The following CCDC91 variants were observed in gnomAD, a reference collection of about 807,000 sequenced individuals.
CCDC91 encodes the protein coiled-coil domain containing 91.
Under a neutral mutation model 63.2 loss-of-function variants are expected in CCDC91, and 48 were observed. The ratio of observed to expected loss-of-function variants is 0.76; its 90% CI spans 0.60 to 0.97. The LOEUF is 0.97. Ranked by LOEUF, CCDC91 falls within the 50% of genes least tolerant of loss-of-function variation. The probability of loss-of-function intolerance (pLI) is 0.00; values close to 1 mark genes in which losing one functional copy is unlikely to be tolerated. For synonymous variants in CCDC91, 167 were observed against 165.8 expected (o/e 1.01, Z -0.06); for missense variants, 500 against 494.6 (o/e 1.01, Z -0.10).
chr12:28,288,388 T>C (rs1949029827), intron 3 of CCDC91, among the ~76,000 whole-genome samples: 1 of 152,214 alleles, frequency 6.6e-6, no homozygotes, highest in African/African-American at 2.4e-5. Flanking sequence ...ACCTAGTTTA[T>C]TGAGAGTTTT....
chr12:28,407,964 A>ATTT lies in CCDC91; in HGVS notation c.762+16559_762+16561dup, dbSNP rs752189980. Among the ~76,000 whole-genome samples the ATTT allele has an allele frequency of 1.8e-3, 223 of 127,156 alleles. 1 individual carries two copies. Among genetic ancestry groups the ATTT allele is most frequent in the African/African-American group, 5.7e-3 (195 of 34,504 alleles). 83.4% of individuals were successfully genotyped at this position (127,156 alleles called of 152,430 possible). On this transcript the variant is annotated intron_variant, in intron 8 of 12. Coordinates refer to ENST00000536442, the MANE Select transcript of CCDC91 (RefSeq NM_018318.5). ...CATAGATATATACATATATATATAT[A>ATTT]TTTTTTTTATTTTTTATTTTACTTT...
intron 1 of CCDC91, among the ~76,000 whole-genome samples, chr12:28,220,942 A>G (rs534758658): frequency 1.3e-5 from 2 of 152,088 alleles, no homozygotes. Context: ...CTTTCTCGCT[A>G]TTCTTTAGCT....
intron 1 of CCDC91, among the ~76,000 whole-genome samples, chr12:28,237,434 T>C (rs1945035436): frequency 1.3e-5 from 2 of 152,174 alleles, no homozygotes; most frequent in Non-Finnish European, 2.9e-5. Context: ...TCCTAAATAC[T>C]ATCACAAGTG....
chr12:28,454,874 G>A (rs1253857560), intron 11 of CCDC91, among the ~76,000 whole-genome samples: 6 of 151,968 alleles, frequency 3.9e-5, no homozygotes, highest in Admixed American at 3.9e-4. Flanking sequence ...GCTTGCCCAG[G>A]GTGAAGGACC....
chr12:28,506,621 G>A (rs1938749584), intron 12 of CCDC91, among the ~76,000 whole-genome samples: 1 of 151,942 alleles, frequency 6.6e-6, no homozygotes, highest in Non-Finnish European at 1.5e-5. Context: ...TGTGATTCAT[G>A]TGCATTATCT....
chr12:28,269,494 A>G (rs1202465896), intron 3 of CCDC91, among the ~76,000 whole-genome samples: 2 of 152,054 alleles, frequency 1.3e-5, no homozygotes, highest in Admixed American at 6.6e-5. Flanking sequence ...TATCTTTCTT[A>G]GATGACTTAA....
intron 3 of CCDC91, among the ~76,000 whole-genome samples, chr12:28,279,246 G>A (rs1948439652): frequency 1.4e-5 from 2 of 139,390 alleles, no homozygotes; most frequent in Non-Finnish European, 3.2e-5. Context: ...GTTTGTCTCT[G>A]TATCTTTTCT....
intron 3 of CCDC91, 92 bp downstream of exon 3, chr12:28,259,534 A>C: frequency 2.7e-6 from 2 of 741,634 alleles, no homozygotes. Flanking sequence ...CAACTTTTTT[A>C]CTTGTCCTTC....
At chr12:28,375,803 C>T (rs1944907209) in intron 7 of CCDC91, among the ~76,000 whole-genome samples, 1 of 151,902 alleles carries the variant, frequency 6.6e-6, no homozygotes, top group African/African-American at 2.4e-5. Flanking sequence ...AATATATGCA[C>T]TCGCTCAGAC....
chr12:28,392,466 C>T (rs1307924618), intron 8 of CCDC91, among the ~76,000 whole-genome samples: 2 of 152,084 alleles, frequency 1.3e-5, no homozygotes, highest in African/African-American at 2.4e-5. Flanking sequence ...GATACAATTT[C>T]GAAGTGAAAG....
rs200613015 is a variant in CCDC91 at position 28,439,970 on chromosome 12, T to TA, written c.763-10178dup. On this transcript the variant is annotated intron_variant, in intron 8 of 12. Transcript: ENST00000536442. ...GTTTGCATTTATTTCTTCAATTTGC[T>TA]AAAAAAAAAAAAAGTCTACTAAAAT... Among the ~76,000 whole-genome samples the TA allele has an allele frequency of 5.4e-3, 752 of 138,362 alleles. 5 individuals are homozygous for TA. The highest frequency in any genetic ancestry group is 0.013 in the African/African-American group (504 of 37,940). 90.8% of individuals were successfully genotyped at this position (138,362 alleles called of 152,430 possible).
intron 1 of CCDC91, among the ~76,000 whole-genome samples, chr12:28,232,749 G>C (rs753472044): frequency 6.6e-6 from 1 of 152,032 alleles, no homozygotes; most frequent in Admixed American, 6.6e-5. Flanking sequence ...GGTATGTCTT[G>C]TTCTGTTACC....
chr12:28,240,252 C>T (rs899706764), intron 1 of CCDC91, among the ~76,000 whole-genome samples: 4 of 152,108 alleles, frequency 2.6e-5, no homozygotes, highest in Non-Finnish European at 5.9e-5. Context: ...ACCGTTTTCA[C>T]TGTATTCTTG....
chr12:28,417,901 T>C (rs1947778128), intron 8 of CCDC91, among the ~76,000 whole-genome samples: 1 of 152,112 alleles, frequency 6.6e-6, no homozygotes, highest in Non-Finnish European at 1.5e-5. Context: ...TTCATAGTTT[T>C]TCCTTCCATT....
chr12:28,501,638 T>C (rs1389583993), intron 12 of CCDC91, among the ~76,000 whole-genome samples: 5 of 151,616 alleles, frequency 3.3e-5, no homozygotes, highest in African/African-American at 9.7e-5. Context: ...TTTGCATCAA[T>C]GTTCATCAAG....
rs1448469590 is a variant in CCDC91 at position 28,452,580 on chromosome 12, G to GA, written c.1029dup (p.His344ThrfsTer28). 2 of 1,586,388 alleles carry GA rather than the reference G, an allele frequency of 1.3e-6. No individual in the cohort carries two copies. The highest frequency in any genetic ancestry group is 8.6e-7 in the Non-Finnish European group (1 of 1,167,524). ...TGAAGAAAGGGAATTATGGAAGACA[G>GA]AACATGCAAAAGATCAAGAAAAAGT... is the stretch of plus-strand genomic sequence containing the variant. On this transcript the variant is annotated frameshift_variant, in exon 11 of 13. Coordinates refer to ENST00000536442, the MANE Select transcript of CCDC91 (RefSeq NM_018318.5). LOFTEE classifies it high-confidence loss of function.
intron 1 of CCDC91, among the ~76,000 whole-genome samples, chr12:28,203,196 T>A (rs1942595144): frequency 6.6e-6 from 1 of 152,202 alleles, no homozygotes; most frequent in Admixed American, 6.5e-5. Context: ...AAAACTTGCT[T>A]TTCTTAATGA....
chr12:28,265,927 G>T (rs1428940542), intron 3 of CCDC91, among the ~76,000 whole-genome samples: 2 of 152,024 alleles, frequency 1.3e-5, no homozygotes, highest in Non-Finnish European at 2.9e-5. Flanking sequence ...ACATAAACCA[G>T]ATTTCTGTTG....
At chr12:28,218,088 A>G (rs1943686786) in intron 1 of CCDC91, among the ~76,000 whole-genome samples, 1 of 151,810 alleles carries the variant, frequency 6.6e-6, no homozygotes, top group Admixed American at 6.6e-5. Context: ...ATCCCTTTAG[A>G]TATCCTTTTT....
Sources: gnomAD v4.1 joint callset for allele counts (sites outside exome capture counted in the v4.1 genomes callset) on GRCh38, gnomAD v4.1.1 for gene constraint, MANE v1.5 for transcripts, NCBI Gene and HGNC (gene_info 2026-07-23, HGNC 2026-07-21) for gene names.